RHOBTB1: variants seen among roughly 807,000 people sequenced by gnomAD.
The protein encoded by RHOBTB1 is Rho related BTB domain containing 1, also known as rho-related BTB domain-containing protein 1.
Under a neutral mutation model 71.6 loss-of-function variants are expected in RHOBTB1, and 40 were observed. That is an observed-to-expected ratio of 0.56 (90% CI 0.43 to 0.73). The LOEUF is 0.73. Among genes scored for constraint, RHOBTB1 ranks in the 30% least tolerant of loss-of-function variants. RHOBTB1 has a pLI of 0.00. For synonymous variants in RHOBTB1, 319 were observed against 334.9 expected (o/e 0.95, Z 0.52); for missense variants, 797 against 894.0 (o/e 0.89, Z 1.38).
chr10:60,956,141 T>C (rs1490550224), intron 2 of RHOBTB1, among the ~76,000 whole-genome samples: 1 of 152,214 alleles, frequency 6.6e-6, no homozygotes, highest in Non-Finnish European at 1.5e-5. Flanking sequence ...GTATAGCCCG[T>C]TGTTTCTAGG....
chr10:60,893,636 G>A (rs2082029548), intron 4 of RHOBTB1, among the ~76,000 whole-genome samples: 1 of 152,274 alleles, frequency 6.6e-6, no homozygotes, highest in Admixed American at 6.5e-5. Context: ...ATAACTAGGC[G>A]AGAATTAGAT....
chr10:60,868,963 G>T (rs960700574), downstream of RHOBTB1, among the ~76,000 whole-genome samples: 2 of 152,228 alleles, frequency 1.3e-5, no homozygotes, highest in African/African-American at 4.8e-5. Context: ...ATCTCACTGA[G>T]ACTTTCTTCC....
chr10:60,960,218 A>T (rs1374207265), intron 2 of RHOBTB1, among the ~76,000 whole-genome samples: 2 of 152,200 alleles, frequency 1.3e-5, no homozygotes, highest in Non-Finnish European at 2.9e-5. Flanking sequence ...CTATGATGAC[A>T]TTTCTTATAC....
intron 2 of RHOBTB1, among the ~76,000 whole-genome samples, chr10:60,928,794 A>G (rs1055201238): frequency 6.6e-6 from 1 of 152,192 alleles, no homozygotes; most frequent in African/African-American, 2.4e-5. Flanking sequence ...AATGTTTCTA[A>G]CACAAAAAAA....
At chr10:61,000,351 T>C (rs2087215838) in intron 1 of RHOBTB1, among the ~76,000 whole-genome samples, 1 of 152,032 alleles carries the variant, frequency 6.6e-6, no homozygotes, top group Non-Finnish European at 1.5e-5. Flanking sequence ...ACACTAGTAA[T>C]AAAAAATATA....
intron 2 of RHOBTB1, among the ~76,000 whole-genome samples, chr10:60,983,350 T>C (rs1173866653): frequency 2.6e-5 from 4 of 152,204 alleles, no homozygotes; most frequent in Non-Finnish European, 5.9e-5. Context: ...GAATGAAATT[T>C]GCTTATTATA....
At chr10:60,862,904 C>T in the RHOBTB1 span, among the ~76,000 whole-genome samples, 3 of 129,098 alleles carry the variant, frequency 2.3e-5, no homozygotes, top group Non-Finnish European at 4.8e-5. Flanking sequence ...TCTCTCTCTC[C>T]CTCTCCTCTT....
chr10:60,970,231 T>A (rs149922880), intron 2 of RHOBTB1, among the ~76,000 whole-genome samples: 9 of 152,236 alleles, frequency 5.9e-5, no homozygotes, highest in African/African-American at 2.2e-4. Flanking sequence ...TACAAGTCTA[T>A]TCCAATTTTG....
intron 2 of RHOBTB1, among the ~76,000 whole-genome samples, chr10:60,939,673 C>A (rs1054203154): frequency 6.6e-6 from 1 of 152,164 alleles, no homozygotes; most frequent in Non-Finnish European, 1.5e-5. Context: ...GCTCTTTAAA[C>A]CCTAAAACAT....
intron 4 of RHOBTB1, among the ~76,000 whole-genome samples, chr10:60,905,449 CAAA>C (rs35538782): frequency 2.0e-5 from 1 of 48,986 alleles, no homozygotes; most frequent in Non-Finnish European, 3.8e-5. Context: ...GACTCTTTCT[CAAA>C]AAAAAAAAAA....
intron 8 of RHOBTB1, 92 bp downstream of exon 8, chr10:60,877,816 A>G (rs2081115215): frequency 7.5e-7 from 1 of 1,339,984 alleles, no homozygotes. Flanking sequence ...GTGATAAAAA[A>G]TCAATTTTTA....
chr10:60,930,296 T>A (rs1442694211), intron 2 of RHOBTB1, among the ~76,000 whole-genome samples: 1 of 152,196 alleles, frequency 6.6e-6, no homozygotes, highest in South Asian at 2.1e-4. Context: ...GGGATAATTA[T>A]CTCCTTCCAC....
At chr10:60,969,848 T>C (rs1487803358) in intron 2 of RHOBTB1, among the ~76,000 whole-genome samples, 1 of 152,150 alleles carries the variant, frequency 6.6e-6, no homozygotes, top group Non-Finnish European at 1.5e-5. Flanking sequence ...AGAAATAGAA[T>C]AATAATACCT....
chr10:60,911,564 G>C lies in RHOBTB1; in HGVS notation c.-10-12C>G. On this transcript the variant is annotated splice_polypyrimidine_tract_variant and intron_variant, in intron 2 of 10. Coordinates refer to ENST00000337910, the MANE Select transcript of RHOBTB1 (RefSeq NM_014836.5). ...CCATTTATGAAACTCTGTAAGAAGAGAGTGAACACCACAGTAAGGACACCA... is the reference window on the plus strand; with the variant it reads ...CCATTTATGAAACTCTGTAAGAAGACAGTGAACACCACAGTAAGGACACCA... 1 of 1,605,172 alleles carries C rather than the reference G, an allele frequency of 6.2e-7. No homozygotes were observed. Among genetic ancestry groups the C allele is most frequent in the Non-Finnish European group, 8.5e-7 (1 of 1,173,006 alleles).
At chr10:60,955,043 C>CTTTTTTTTTT (rs34012455) in intron 2 of RHOBTB1, among the ~76,000 whole-genome samples, 1 of 112,836 alleles carries the variant, frequency 8.9e-6, no homozygotes, top group Non-Finnish European at 1.8e-5. Context: ...TTCTTTCTTT[C>CTTTTTTTTTT]TTTTTTTTTT....
chr10:60,899,184 A>C (rs1191725405), intron 4 of RHOBTB1, among the ~76,000 whole-genome samples: 2 of 152,244 alleles, frequency 1.3e-5, no homozygotes, highest in Non-Finnish European at 2.9e-5. Flanking sequence ...AATGCATGTG[A>C]AATTGCGTGA....
At chr10:60,971,058 ACT>A (rs2086137936) in intron 2 of RHOBTB1, among the ~76,000 whole-genome samples, 1 of 152,062 alleles carries the variant, frequency 6.6e-6, no homozygotes, top group Non-Finnish European at 1.5e-5. Context: ...TTTATGGGAC[ACT>A]CTTACCATCA....
At chr10:60,961,408 G>C (rs141800442) in intron 2 of RHOBTB1, among the ~76,000 whole-genome samples, 1 of 151,976 alleles carries the variant, frequency 6.6e-6, no homozygotes, top group Non-Finnish European at 1.5e-5. Flanking sequence ...AAATAACACC[G>C]GTGCATTAAG....
chr10:60,919,746 T>C (rs2083455616), intron 2 of RHOBTB1, among the ~76,000 whole-genome samples: 1 of 152,228 alleles, frequency 6.6e-6, no homozygotes. Flanking sequence ...CACTTTTTAC[T>C]ACATCCGCTC....
Sources: gnomAD v4.1 joint callset for allele counts (sites outside exome capture counted in the v4.1 genomes callset) on GRCh38, gnomAD v4.1.1 for gene constraint, MANE v1.5 for transcripts, NCBI Gene and HGNC (gene_info 2026-07-23, HGNC 2026-07-21) for gene names.